Variants in DLGAP2 observed in about 807,000 individuals in gnomAD.
DLGAP2 encodes DLG associated protein 2.
DLGAP2 carries 26 observed loss-of-function variants against 100.3 expected under a neutral mutation model. That is an observed-to-expected ratio of 0.26 (90% CI 0.19 to 0.36). The LOEUF (loss-of-function observed/expected upper bound fraction) is 0.36. DLGAP2 is among the 10% of genes least tolerant of loss of function. DLGAP2 has a pLI of 1.00. For missense variants in DLGAP2, 1,858 were observed against 1,453.2 expected, an observed-to-expected ratio of 1.28 and a Z score of -4.53; for synonymous variants, 886 against 630.1, an observed-to-expected ratio of 1.41 and a Z score of -6.08.
intron 4 of DLGAP2, among the ~76,000 whole-genome samples, chr8:1,530,003 T>C (rs991649318): frequency 3.7e-4 from 56 of 152,282 alleles, no homozygotes; most frequent in African/African-American, 1.3e-3. Flanking sequence ...GGAGGCAGGG[T>C]GAGATCACAG....
At chr8:1,433,002 C>G (rs62484244) in intron 3 of DLGAP2, among the ~76,000 whole-genome samples, 1 of 152,098 alleles carries the variant, frequency 6.6e-6, no homozygotes, top group African/African-American at 2.4e-5. Context: ...GCTGGACCTC[C>G]ATGGAGGTGA....
chr8:750,550 G>C (rs1271986551), intron 1 of DLGAP2, among the ~76,000 whole-genome samples: 2 of 152,170 alleles, frequency 1.3e-5, no homozygotes, highest in Non-Finnish European at 2.9e-5. Flanking sequence ...ATTTGAAAAT[G>C]GTCAAAATTG....
intron 2 of DLGAP2, among the ~76,000 whole-genome samples, chr8:1,201,906 G>C (rs951930648): frequency 1.3e-5 from 2 of 152,154 alleles, no homozygotes; most frequent in Non-Finnish European, 2.9e-5. Context: ...ATGTACATGT[G>C]TGCACATGTG....
In DLGAP2 at chr8:1,549,175, C is replaced by T. The variant is rs1481011569; in HGVS notation, c.722C>T (p.Thr241Ile). ...GTACACTCCGTGCAGAAGCTCTTCA[C>T]CAAGTCGCACTCGCTGGAGGGCTCC... ...HLVHSVQKLF[T>I]KSHSLEGSSK... The change falls in exon 5 of 15, where the codon ACC (threonine) becomes ATC (isoleucine). Residue 241 changes from threonine (T) to isoleucine (I), a missense_variant. Physicochemically the swap from Thr to Ile is moderately conservative, Grantham distance 89. Transcript: ENST00000637795. 1 of 1,599,176 alleles carries T rather than the reference C, an allele frequency of 6.3e-7. No homozygotes were observed. The highest frequency in any genetic ancestry group is 1.3e-5 in the African/African-American group (1 of 74,778).
chr8:1,330,266 G>A (rs371900894), intron 3 of DLGAP2, among the ~76,000 whole-genome samples: 13 of 149,432 alleles, frequency 8.7e-5, no homozygotes, highest in Admixed American at 3.3e-4. Flanking sequence ...CAGGGACTGA[G>A]TTCTGGGTGG....
intron 2 of DLGAP2, among the ~76,000 whole-genome samples, chr8:965,091 C>T (rs1248718986): frequency 6.7e-5 from 10 of 148,966 alleles, no homozygotes; most frequent in South Asian, 2.1e-4. Context: ...CGGCAGTGTT[C>T]ATCACACACG....
intron 2 of DLGAP2, among the ~76,000 whole-genome samples, chr8:942,299 C>G (rs769819274): frequency 2.6e-5 from 4 of 152,220 alleles, no homozygotes; most frequent in Non-Finnish European, 5.9e-5. Context: ...GTAACCTGAC[C>G]TCACATTTAT....
intron 2 of DLGAP2, among the ~76,000 whole-genome samples, chr8:1,011,733 C>G (rs912042334): frequency 1.5e-5 from 2 of 134,526 alleles, no homozygotes; most frequent in Admixed American, 1.5e-4. Flanking sequence ...GAGCCCTGGA[C>G]GAGGGTCCTC....
At chr8:1,666,601 A>G (rs1389681008) in intron 8 of DLGAP2, among the ~76,000 whole-genome samples, 2 of 151,986 alleles carry the variant, frequency 1.3e-5, no homozygotes, top group African/African-American at 4.8e-5. Flanking sequence ...AATCGCTTGA[A>G]CACAGGAGGC....
intron 3 of DLGAP2, among the ~76,000 whole-genome samples, chr8:1,305,337 G>T (rs58287092): frequency 1.3e-5 from 2 of 152,196 alleles, no homozygotes; most frequent in Admixed American, 6.5e-5. Context: ...TGGGGCTACT[G>T]AAGCTATGAT....
At chr8:1,429,008 G>C (rs1441772360) in intron 3 of DLGAP2, among the ~76,000 whole-genome samples, 1 of 152,198 alleles carries the variant, frequency 6.6e-6, no homozygotes, top group Non-Finnish European at 1.5e-5. Flanking sequence ...GAGTTTATTT[G>C]AACAGACAGC....
chr8:1,049,148 C>G (rs145508201), intron 2 of DLGAP2, among the ~76,000 whole-genome samples: 1 of 152,142 alleles, frequency 6.6e-6, no homozygotes, highest in African/African-American at 2.4e-5. Context: ...GTTTAGACGA[C>G]GACTGGTGTC....
At chr8:1,410,533 C>A (rs182173331) in intron 3 of DLGAP2, among the ~76,000 whole-genome samples, 1 of 152,360 alleles carries the variant, frequency 6.6e-6, no homozygotes, top group African/African-American at 2.4e-5. Context: ...CTGCAGGCTA[C>A]TGCATTTCCG....
At chr8:1,269,592 C>A (rs536168600) in intron 3 of DLGAP2, among the ~76,000 whole-genome samples, 22 of 152,264 alleles carry the variant, frequency 1.4e-4, no homozygotes, top group African/African-American at 5.1e-4. Context: ...CTGATTGGTA[C>A]ATCTAACAAT....
rs145687388 is a variant in DLGAP2, at chr8:841,166, C to A, written c.19-66746C>A. 3.4e-4 allele frequency among the ~76,000 whole-genome samples: 52 copies of A among 152,260 alleles called. 1 individual carries two copies. The highest frequency in any genetic ancestry group is 1.1e-3 in the African/African-American group (45 of 41,540). Reference sequence around the variant, plus strand: ...TTCATATGGAAAAGGCAAGATAAATCCTCGATTCTTCCCCTGAATTTAAAA... The same window carrying A: ...TTCATATGGAAAAGGCAAGATAAATACTCGATTCTTCCCCTGAATTTAAAA... On this transcript the variant is annotated intron_variant, in intron 1 of 14. Coordinates refer to ENST00000637795, the MANE Select transcript of DLGAP2 (RefSeq NM_001346810.2).
At chr8:1,098,753 GCCCA>G in intron 2 of DLGAP2, among the ~76,000 whole-genome samples, 11 of 136,742 alleles carry the variant, frequency 8.0e-5, no homozygotes, top group African/African-American at 2.9e-4. Flanking sequence ...GCTCCCGGCC[GCCCA>G]CGGGCGCCGC....
chr8:780,508 T>A lies in DLGAP2; in HGVS notation c.18+42683T>A, dbSNP rs183372441. 6.6e-5 allele frequency among the ~76,000 whole-genome samples: 10 copies of A among 152,334 alleles called. No individual in the cohort carries two copies. In the East Asian group the frequency reaches 1.7e-3, roughly 26 times the overall value. On this transcript the variant is annotated intron_variant, in intron 1 of 14. Coordinates refer to ENST00000637795, the MANE Select transcript of DLGAP2 (RefSeq NM_001346810.2). ...CACCCAGAAGTGGGATTGCTGGGTC[T>A]TGTGCTAGCTCTACTTTGGTTTTTC...
At chr8:1,464,696 C>T (rs1798572841) in intron 3 of DLGAP2, among the ~76,000 whole-genome samples, 1 of 152,222 alleles carries the variant, frequency 6.6e-6, no homozygotes, top group South Asian at 2.1e-4. Flanking sequence ...AGACACGTCC[C>T]TCACCTTTCA....
intron 2 of DLGAP2, among the ~76,000 whole-genome samples, chr8:1,171,578 G>A (rs182153520): frequency 0.035 from 5,310 of 152,156 alleles, 143 homozygotes; most frequent in East Asian, 0.15. Flanking sequence ...TGTATTGGGT[G>A]CATATATATT....
Sources: allele counts gnomAD v4.1 joint callset (sites outside exome capture counted in the v4.1 genomes callset), GRCh38; gene constraint gnomAD v4.1.1; transcripts MANE v1.5; gene names NCBI Gene and HGNC (gene_info 2026-07-23, HGNC 2026-07-21).